Variants in SLC35F3 observed in about 807,000 individuals in gnomAD.
SLC35F3 encodes the protein putative thiamine transporter SLC35F3.
In SLC35F3, 25 loss-of-function variants were observed where a neutral mutation model predicts 49.9. The observed-to-expected ratio is 0.50, with a 90% CI of 0.37 to 0.70. The LOEUF (loss-of-function observed/expected upper bound fraction) is 0.70. Among genes scored for constraint, SLC35F3 ranks in the 30% least tolerant of loss-of-function variants. SLC35F3 has a pLI of 0.00. For synonymous variants in SLC35F3, 275 were observed against 265.4 expected (o/e 1.04, Z -0.35); for missense variants, 525 against 639.8 (o/e 0.82, Z 1.94).
At chr1:234,251,047 C>T (rs1329590454) in intron 3 of SLC35F3, among the ~76,000 whole-genome samples, 1 of 152,088 alleles carries the variant, frequency 6.6e-6, no homozygotes, top group Non-Finnish European at 1.5e-5. Context: ...GCTTGAGGTG[C>T]CTCCTGCTTG....
intron 2 of SLC35F3, among the ~76,000 whole-genome samples, chr1:233,909,188 C>T (rs1425626694): frequency 6.6e-6 from 1 of 152,148 alleles, no homozygotes. Flanking sequence ...CCAAAGGCTC[C>T]TGGGTCTGAA....
rs2102999010 is a variant in SLC35F3, at chr1:234,320,209, T to C, written c.1237+22T>C. ...GCAGGTAAACCTATGCGGCTTTCTA[T>C]ATCTGCACATAAGCACACACACTCA... On this transcript the variant is annotated intron_variant, in intron 7 of 7. Transcript: ENST00000366618. This position sits in a 1 kb window ranked among gnomAD's most constrained non-coding sequence, Gnocchi z 4.8. The C allele has an allele frequency of 6.4e-7, 1 of 1,552,756 alleles. No homozygotes were observed. Among genetic ancestry groups the C allele is most frequent in the East Asian group, 2.2e-5 (1 of 44,620 alleles).
intron 2 of SLC35F3, among the ~76,000 whole-genome samples, chr1:233,960,339 G>C (rs912237717): frequency 2.0e-5 from 3 of 152,176 alleles, no homozygotes; most frequent in African/African-American, 7.2e-5. Context: ...CTCGCCTTTA[G>C]GTGAGGACAT....
chr1:234,218,298 G>T (rs1232899084), intron 2 of SLC35F3, among the ~76,000 whole-genome samples: 1 of 152,112 alleles, frequency 6.6e-6, no homozygotes, highest in Non-Finnish European at 1.5e-5. Flanking sequence ...TCCCCCAAGA[G>T]GCGTGCAGCA....
At chr1:234,104,533 C>T (rs1029759051) in intron 2 of SLC35F3, among the ~76,000 whole-genome samples, 2 of 152,206 alleles carry the variant, frequency 1.3e-5, no homozygotes, top group Admixed American at 6.5e-5. Flanking sequence ...ACATCAATGG[C>T]ATGGCTATAA....
intron 2 of SLC35F3, among the ~76,000 whole-genome samples, chr1:234,124,539 G>T (rs1389310167): frequency 6.6e-6 from 1 of 152,130 alleles, no homozygotes; most frequent in African/African-American, 2.4e-5. Context: ...AAACAGAGAT[G>T]AGGGAGAATT....
At chr1:234,264,189 G>C (rs1393050273) in intron 3 of SLC35F3, among the ~76,000 whole-genome samples, 1 of 152,152 alleles carries the variant, frequency 6.6e-6, no homozygotes. Context: ...TAACTGAAAA[G>C]GATTAATATC....
At chr1:234,066,133 G>C (rs1664613431) in intron 2 of SLC35F3, among the ~76,000 whole-genome samples, 1 of 152,184 alleles carries the variant, frequency 6.6e-6, no homozygotes. Context: ...GGAATTCCAA[G>C]GAATTCCAGT....
intron 2 of SLC35F3, among the ~76,000 whole-genome samples, chr1:233,982,220 C>CA (rs1572007805): frequency 6.6e-6 from 1 of 152,218 alleles, no homozygotes; most frequent in Admixed American, 6.5e-5. Context: ...CCATGACGCC[C>CA]AGCTGTGATG....
At chr1:234,109,214 G>T (rs80317726) in intron 2 of SLC35F3, among the ~76,000 whole-genome samples, 3,519 of 152,250 alleles carry the variant, frequency 0.023, 120 homozygotes, top group African/African-American at 0.081. Flanking sequence ...ATTGCCTAGA[G>T]GCTTGTGAAA....
At chr1:234,160,372 C>A (rs1399541225) in intron 2 of SLC35F3, among the ~76,000 whole-genome samples, 1 of 152,162 alleles carries the variant, frequency 6.6e-6, no homozygotes, top group Non-Finnish European at 1.5e-5. Flanking sequence ...TTGTTGGAGA[C>A]AAGGCTGTTC....
At chr1:234,271,462 C>T (rs1420693616) in intron 3 of SLC35F3, among the ~76,000 whole-genome samples, 1 of 152,176 alleles carries the variant, frequency 6.6e-6, no homozygotes, top group Non-Finnish European at 1.5e-5. Context: ...AAATGTCTCA[C>T]CTTCTCTGGT....
chr1:234,165,305 A>G lies in SLC35F3; in HGVS notation c.284-66112A>G, dbSNP rs74340074. On this transcript the variant is annotated intron_variant, in intron 2 of 7. Coordinates refer to ENST00000366618, the MANE Select transcript of SLC35F3 (RefSeq NM_173508.4). ...TTTAACATGTCTGTTTCATTCTGTC[A>G]TCATCTGGTTTTATCCTCTCTCTTA... 7.6e-3 allele frequency among the ~76,000 whole-genome samples: 1,161 copies of G among 152,156 alleles called. 21 individuals carry two copies. The highest frequency in any genetic ancestry group is 0.025 in the African/African-American group (1,050 of 41,512).
chr1:234,275,762 AAATAT>A lies in SLC35F3; in HGVS notation c.609-33337_609-33333del, dbSNP rs1449614935. On this transcript the variant is annotated intron_variant, in intron 3 of 7. Transcript: ENST00000366618. ...TCATTGGTAAGTATTGAAAAAAAAA[AAATAT>A]ATATATATATATATAGCACAGAAGA... 3.6e-5 allele frequency among the ~76,000 whole-genome samples: 5 copies of A among 139,802 alleles called. No homozygotes were observed. In the South Asian group the frequency reaches 9.1e-4, roughly 26 times the overall value. The allele number at this position is 139,802 out of a possible 152,430, so 91.7% of individuals were successfully genotyped here.
intron 3 of SLC35F3, among the ~76,000 whole-genome samples, chr1:234,235,443 G>A (rs963040935): frequency 6.6e-6 from 1 of 152,218 alleles, no homozygotes; most frequent in Non-Finnish European, 1.5e-5. Flanking sequence ...GCTGTATCAG[G>A]TCTGTGTTTG....
intron 7 of SLC35F3, among the ~76,000 whole-genome samples, chr1:234,321,914 C>T (rs558011968): frequency 6.6e-6 from 1 of 152,152 alleles, no homozygotes; most frequent in African/African-American, 2.4e-5. Context: ...GGCACGGGAG[C>T]TCACGCCTGT....
intron 2 of SLC35F3, among the ~76,000 whole-genome samples, chr1:233,939,168 T>C (rs1483281975): frequency 2.0e-5 from 3 of 152,212 alleles, no homozygotes; most frequent in Admixed American, 6.5e-5. Context: ...TTAAGTATTG[T>C]TGGCCAGGTG....
intron 2 of SLC35F3, among the ~76,000 whole-genome samples, chr1:233,945,059 G>A (rs946378152): frequency 2.6e-5 from 4 of 152,012 alleles, no homozygotes; most frequent in Non-Finnish European, 2.9e-5. Flanking sequence ...GAGAGGCTAA[G>A]GCTTGGTGGA....
At chr1:234,135,682 C>T (rs1454414966) in intron 2 of SLC35F3, among the ~76,000 whole-genome samples, 1 of 152,216 alleles carries the variant, frequency 6.6e-6, no homozygotes, top group Non-Finnish European at 1.5e-5. Context: ...CCAGGAAGCT[C>T]GTTAGAGGCT....
Sources: allele counts gnomAD v4.1 joint callset (sites outside exome capture counted in the v4.1 genomes callset), GRCh38; gene constraint gnomAD v4.1.1; non-coding constraint Gnocchi (gnomAD v3.1); transcripts MANE v1.5; gene names NCBI Gene and HGNC (gene_info 2026-07-23, HGNC 2026-07-21).